MECOM: variants seen among roughly 807,000 people sequenced by gnomAD.
MECOM encodes histone-lysine N-methyltransferase MECOM.
A neutral mutation model predicts 116.3 loss-of-function variants in MECOM; 13 were observed. The observed-to-expected ratio is 0.11, with a 90% CI of 0.07 to 0.18. The LOEUF (loss-of-function observed/expected upper bound fraction) is 0.18. MECOM is among the 10% of genes least tolerant of loss of function. The pLI, the probability that MECOM is intolerant of heterozygous loss-of-function variation, is 1.00. For missense variants in MECOM, 1,299 were observed against 1,509.0 expected (o/e 0.86, Z 2.31); for synonymous variants, 528 against 535.2 (o/e 0.99, Z 0.19).
At chr3:169,470,941 GCTTGTT>G (rs1306423955) in intron 1 of MECOM, among the ~76,000 whole-genome samples, 1 of 151,996 alleles carries the variant, frequency 6.6e-6, no homozygotes, top group Non-Finnish European at 1.5e-5. Flanking sequence ...TTTTAGGGGG[GCTTGTT>G]TGTTGTTTTG....
intron 2 of MECOM, among the ~76,000 whole-genome samples, chr3:169,168,191 A>G (rs1421442172): frequency 6.6e-6 from 1 of 151,952 alleles, no homozygotes. Flanking sequence ...TTACAGTATA[A>G]TCTGTTTTTT....
At position 169,150,799 on chromosome 3, in the gene MECOM, A is replaced by C. The variant is rs57598903; in HGVS notation, c.376-6967T>G. On this transcript the variant is annotated intron_variant, in intron 2 of 16. Transcript: ENST00000651503. ...ATATGAGGGTTGAGTGTGGGCTGAT[A>C]GATTTTCTAGGAGTTGTAAAGATCC... 8.3e-3 allele frequency among the ~76,000 whole-genome samples: 1,270 copies of C among 152,304 alleles called. 24 individuals are homozygous for C. Among genetic ancestry groups the C allele is most frequent in the African/African-American group, 0.029 (1,206 of 41,574 alleles).
chr3:169,367,156 T>A (rs1442874443), intron 2 of MECOM, among the ~76,000 whole-genome samples: 1 of 151,592 alleles, frequency 6.6e-6, no homozygotes, highest in East Asian at 1.9e-4. Context: ...AAATGCAGAG[T>A]GCTGGATTAT....
chr3:169,102,757 G>C (rs1724032244), intron 10 of MECOM, among the ~76,000 whole-genome samples: 1 of 151,926 alleles, frequency 6.6e-6, no homozygotes, highest in Non-Finnish European at 1.5e-5. Context: ...ATGTATAGGA[G>C]GGTATTGCCT....
intron 1 of MECOM, among the ~76,000 whole-genome samples, chr3:169,636,818 G>C (rs533132861): frequency 6.6e-6 from 1 of 152,320 alleles, no homozygotes; most frequent in African/African-American, 2.4e-5. Context: ...CCATGATCTA[G>C]AGCAAACACG....
intron 2 of MECOM, among the ~76,000 whole-genome samples, chr3:169,303,801 T>C (rs993955367): frequency 1.3e-5 from 2 of 152,216 alleles, no homozygotes; most frequent in African/African-American, 2.4e-5. Flanking sequence ...AATGACTTTG[T>C]TTATTGGTTT....
rs777342134 is a variant in MECOM, at chr3:169,107,886, G to T, written c.2604+40C>A. 15 of 1,573,830 alleles carry T rather than the reference G, an allele frequency of 9.5e-6. No individual in the cohort carries two copies. In the South Asian group the frequency reaches 1.5e-4, roughly 15 times the overall value. On this transcript the variant is annotated intron_variant, in intron 10 of 16. Transcript: ENST00000651503. ...GAATGTAAGCTGTTTTCTTTTTAAT[G>T]CTACATCACTTTAGTCAAAAATATA...
chr3:169,497,561 T>C (rs1299383726), intron 1 of MECOM, among the ~76,000 whole-genome samples: 1 of 152,148 alleles, frequency 6.6e-6, no homozygotes, highest in East Asian at 1.9e-4. Context: ...TTTTACCATG[T>C]TGGCCAGGCT....
At chr3:169,652,547 C>T (rs1250376536) in intron 1 of MECOM, among the ~76,000 whole-genome samples, 1 of 152,062 alleles carries the variant, frequency 6.6e-6, no homozygotes, top group Non-Finnish European at 1.5e-5. Flanking sequence ...GTCCAAGACA[C>T]AGACAGTCCT....
rs527964001 is a variant in MECOM at position 169,215,476 on chromosome 3, T to C, written c.376-71644A>G. ...CTATGTCCTTACTCACTGGGAACAATTGATGCTTGGAACCCATTCAACGAT... is the reference window on the plus strand; with the variant it reads ...CTATGTCCTTACTCACTGGGAACAACTGATGCTTGGAACCCATTCAACGAT... On this transcript the variant is annotated intron_variant, in intron 2 of 16. Coordinates refer to ENST00000651503, the MANE Select transcript of MECOM (RefSeq NM_004991.4). 3.3e-5 allele frequency among the ~76,000 whole-genome samples: 5 copies of C among 152,268 alleles called. 1 individual carries two copies. The highest frequency in any genetic ancestry group is 3.4e-3 in the Middle Eastern group (1 of 294).
At chr3:169,227,974 T>C (rs116476484) in intron 2 of MECOM, among the ~76,000 whole-genome samples, 7 of 152,196 alleles carry the variant, frequency 4.6e-5, no homozygotes, top group African/African-American at 1.4e-4. Context: ...CCAAGAACAA[T>C]TGAGACAAAT....
chr3:169,329,606 T>C (rs1021620181), intron 2 of MECOM, among the ~76,000 whole-genome samples: 1 of 152,202 alleles, frequency 6.6e-6, no homozygotes, highest in Non-Finnish European at 1.5e-5. Context: ...TTATATTGCC[T>C]CCTGAGCCAG....
At chr3:169,454,388 A>AG (rs769021407) in intron 1 of MECOM, among the ~76,000 whole-genome samples, 58 of 79,466 alleles carry the variant, frequency 7.3e-4, no homozygotes, top group South Asian at 2.0e-3. Flanking sequence ...ACTTTCTTTC[A>AG]GGAAAAAAAA....
Position 169,398,549 on chromosome 3 carries a change from C to A in MECOM, c.38-17025G>T, listed in dbSNP as rs187965012. Among the ~76,000 whole-genome samples the A allele has an allele frequency of 1.7e-3, 266 of 152,294 alleles. 2 individuals carry two copies. Among genetic ancestry groups the A allele is most frequent in the African/African-American group, 6.0e-3 (248 of 41,556 alleles). On this transcript the variant is annotated intron_variant, in intron 1 of 16. Coordinates refer to ENST00000651503, the MANE Select transcript of MECOM (RefSeq NM_004991.4). Reference sequence around the variant, plus strand: ...CAGCCACATCTTTTTGAGGACCTCACAAAGTTCTTTTGTGACTGGTCACAG... The same window carrying A: ...CAGCCACATCTTTTTGAGGACCTCAAAAAGTTCTTTTGTGACTGGTCACAG...
chr3:169,273,195 C>A (rs563231957), intron 2 of MECOM, among the ~76,000 whole-genome samples: 3 of 152,226 alleles, frequency 2.0e-5, no homozygotes, highest in Non-Finnish European at 4.4e-5. Context: ...CATCCCTTTG[C>A]CACAAATAAG....
intron 1 of MECOM, among the ~76,000 whole-genome samples, chr3:169,625,681 T>C (rs1399803672): frequency 6.6e-6 from 1 of 152,228 alleles, no homozygotes; most frequent in Non-Finnish European, 1.5e-5. Flanking sequence ...TGCTATCAAA[T>C]GTCTTCCAAA....
rs758678191 is a variant in MECOM, at chr3:169,381,261, C to T, written c.301G>A (p.Glu101Lys). 32 of 1,613,692 alleles carry T rather than the reference C, an allele frequency of 2.0e-5. No individual in the cohort carries two copies. In the South Asian group the frequency reaches 2.6e-4, roughly 13 times the overall value. ...TAAGGCCCAAACTTTTCACCTACTT[C>T]GATCTTCCTTTTGGTCCATATTCCT... Reference protein sequence around the residue: ...GLGIWTKRKIEVGEKFGPYVG... With the variant: ...GLGIWTKRKIKVGEKFGPYVG... Residue 101 changes from glutamate to lysine, a missense_variant, in exon 2 of 17, where the codon GAA becomes AAA. Around this residue, in one of 6 missense-constraint regions of MECOM, gnomAD observed 374 missense variants for 433.4 expected, o/e 0.86. Coordinates refer to ENST00000651503, the MANE Select transcript of MECOM (RefSeq NM_004991.4).
intron 8 of MECOM, 152 bp from the exon 9 acceptor site, chr3:169,113,026 G>A: frequency 1.8e-6 from 1 of 561,798 alleles, no homozygotes; most frequent in South Asian, 2.8e-5. Context: ...TCCAGTTCTT[G>A]GAGATTCCTC....
At chr3:169,582,962 G>C (rs1765297076) in intron 1 of MECOM, among the ~76,000 whole-genome samples, 1 of 152,098 alleles carries the variant, frequency 6.6e-6, no homozygotes. Flanking sequence ...TAAATAAAAA[G>C]AAATACAAAT....
Sources: gnomAD v4.1 joint callset for allele counts (sites outside exome capture counted in the v4.1 genomes callset) on GRCh38, gnomAD v4.1.1 for gene constraint, gnomAD v4.1.1 regional missense constraint, MANE v1.5 for transcripts, NCBI Gene and HGNC (gene_info 2026-07-23, HGNC 2026-07-21) for gene names.